SOAT1: variants seen among roughly 807,000 people sequenced by gnomAD.
The protein encoded by SOAT1 is sterol O-acyltransferase 1.
SOAT1 carries 55 observed loss-of-function variants against 69.5 expected under a neutral mutation model. The observed-to-expected ratio is 0.79, with a 90% confidence interval of 0.64 to 0.99. The LOEUF (loss-of-function observed/expected upper bound fraction) is 0.99, where lower values mean the gene tolerates loss of function less well. SOAT1 is among the 50% of genes least tolerant of loss of function. The pLI is 0.00. For synonymous variants in SOAT1, 231 were observed against 224.7 expected, an observed-to-expected ratio of 1.03 and a Z score of -0.25; for missense variants, 580 against 669.3, an observed-to-expected ratio of 0.87 and a Z score of 1.47.
chr1:179,337,619 CAGAG>C (rs1006237279), intron 4 of SOAT1, among the ~76,000 whole-genome samples: 3 of 152,086 alleles, frequency 2.0e-5, no homozygotes, highest in Admixed American at 6.5e-5. Context: ...ACCTGCCTCA[CAGAG>C]AGGGTAAATG....
intron 4 of SOAT1, 94 bp downstream of exon 4, chr1:179,335,751 C>T (rs1416808754): frequency 8.3e-7 from 1 of 1,206,726 alleles, no homozygotes; most frequent in East Asian, 2.4e-5. Flanking sequence ...AGTTCACACC[C>T]TGGTGTCACT....
chr1:179,308,389 T>G (rs72715525), intron 2 of SOAT1, among the ~76,000 whole-genome samples: 12,448 of 151,952 alleles, frequency 0.082, 671 homozygotes, highest in Middle Eastern at 0.15. Flanking sequence ...AGTTCCCAGA[T>G]GGCCGGGCAC....
chr1:179,328,168 A>G (rs1173481618), intron 3 of SOAT1, among the ~76,000 whole-genome samples: 2 of 152,166 alleles, frequency 1.3e-5, no homozygotes, highest in Non-Finnish European at 2.9e-5. Context: ...TCCTCAGCTC[A>G]AGTAATAATC....
At chr1:179,331,907 CA>C (rs1212114895) in intron 3 of SOAT1, among the ~76,000 whole-genome samples, 1 of 152,060 alleles carries the variant, frequency 6.6e-6, no homozygotes, top group East Asian at 1.9e-4. Flanking sequence ...GGCAGCAAAT[CA>C]GAGGAAGAAA....
chr1:179,323,411 A>G, intron 2 of SOAT1, 26 bp from the exon 3 acceptor site: 1 of 1,608,130 alleles, frequency 6.2e-7, no homozygotes, highest in Non-Finnish European at 8.5e-7. Flanking sequence ...CATCAACTTA[A>G]AAGTCATGTT....
At chr1:179,308,236 T>C (rs981306440) in intron 2 of SOAT1, among the ~76,000 whole-genome samples, 9 of 152,196 alleles carry the variant, frequency 5.9e-5, no homozygotes, top group Admixed American at 3.3e-4. Context: ...TATCTCTTGA[T>C]TTAAAACAAG....
chr1:179,302,883 C>T, intron 2 of SOAT1, 81 bp downstream of exon 2: 1 of 689,678 alleles, frequency 1.4e-6, no homozygotes, highest in East Asian at 2.8e-5. Flanking sequence ...ATTGCCATCT[C>T]TTTAATTCTT....
intron 2 of SOAT1, among the ~76,000 whole-genome samples, chr1:179,311,673 C>T (rs373362629): frequency 1.3e-5 from 2 of 152,000 alleles, no homozygotes; most frequent in Non-Finnish European, 2.9e-5. Context: ...TTATTCTCAA[C>T]CTAAGTAATA....
Position 179,358,633 on chromosome 1 carries a change from G to T in SOAT1, c.*4992G>T. 1 of 152,290 alleles carries T rather than the reference G, an allele frequency of 6.6e-6. No individual in the cohort carries two copies. Among genetic ancestry groups the T allele is most frequent in the Non-Finnish European group, 1.5e-5 (1 of 68,038 alleles). 9.4% of individuals were successfully genotyped at this position (152,290 alleles called of 1,614,324 possible). A position where few individuals can be genotyped will look rare whatever the true frequency, so the allele number is the denominator to read the frequency against. The stretch of plus-strand genomic sequence containing the variant: ...ATCCATAGTGTTCTGAGCACCAGAA[G>T]GGTCATGTAAATCTGAAGTTGTTAT... On this transcript the variant is annotated 3_prime_UTR_variant, in exon 16 of 16. Transcript: ENST00000367619.
intron 2 of SOAT1, among the ~76,000 whole-genome samples, chr1:179,321,286 T>C (rs1665591422): frequency 6.6e-6 from 1 of 152,162 alleles, no homozygotes; most frequent in Non-Finnish European, 1.5e-5. Flanking sequence ...TTTTTATTCT[T>C]GGCACGTTGG....
At chr1:179,334,248 A>G (rs1260005965) in intron 3 of SOAT1, among the ~76,000 whole-genome samples, 2 of 152,194 alleles carry the variant, frequency 1.3e-5, no homozygotes, top group Non-Finnish European at 1.5e-5. Context: ...GGTTTCGCAT[A>G]TGTAAAATTA....
intron 2 of SOAT1, among the ~76,000 whole-genome samples, chr1:179,320,315 C>T (rs1284813459): frequency 3.3e-5 from 5 of 152,000 alleles, no homozygotes; most frequent in African/African-American, 1.2e-4. Context: ...TTCTTGGCAC[C>T]CTTTTCGAAA....
In SOAT1 at chr1:179,342,249, C is replaced by A; in HGVS notation, c.859+57C>A. 8 of 1,165,388 alleles carry A rather than the reference C, an allele frequency of 6.9e-6. No individual in the cohort carries two copies. The South Asian group carries it at 1.1e-4, about 16-fold the overall frequency. The allele number at this position is 1,165,388 out of a possible 1,614,324, so 72.2% of individuals were successfully genotyped here. On this transcript the variant is annotated intron_variant, in intron 8 of 15. Coordinates refer to ENST00000367619, the MANE Select transcript of SOAT1 (RefSeq NM_003101.6). ...CTCCCCTCCCCTCCTCTCCCCCCACCCCATTCCCTTCCCTTCCCTTCCCTT... is the reference window on the plus strand; with the variant it reads ...CTCCCCTCCCCTCCTCTCCCCCCACACCATTCCCTTCCCTTCCCTTCCCTT...
chr1:179,341,806 T>A (rs1666349612), intron 7 of SOAT1, among the ~76,000 whole-genome samples: 1 of 152,224 alleles, frequency 6.6e-6, no homozygotes, highest in Non-Finnish European at 1.5e-5. Context: ...GTGCTGAGAT[T>A]ACAGGCGTAA....
chr1:179,341,763 G>A (rs1666347001), intron 7 of SOAT1, among the ~76,000 whole-genome samples: 1 of 152,134 alleles, frequency 6.6e-6, no homozygotes, highest in African/African-American at 2.4e-5. Context: ...TCAAACTCCT[G>A]ACCTTACGAT....
chr1:179,298,546 A>C (rs997752698), intron 1 of SOAT1, among the ~76,000 whole-genome samples: 1 of 150,606 alleles, frequency 6.6e-6, no homozygotes, highest in East Asian at 2.0e-4. Context: ...TGCTCACTGC[A>C]ACCTTCGCCT....
At chr1:179,300,600 C>G (rs1664801930) in intron 1 of SOAT1, among the ~76,000 whole-genome samples, 1 of 152,114 alleles carries the variant, frequency 6.6e-6, no homozygotes, top group Admixed American at 6.6e-5. Context: ...TGAAAAACAA[C>G]CAAACCCACC....
intron 3 of SOAT1, among the ~76,000 whole-genome samples, chr1:179,331,639 G>A (rs1304198311): frequency 1.3e-5 from 2 of 152,164 alleles, no homozygotes; most frequent in Non-Finnish European, 2.9e-5. Context: ...GTGGGGGGCA[G>A]ACAGTGAGAT....
chr1:179,325,083 G>A (rs1235783292), intron 3 of SOAT1, among the ~76,000 whole-genome samples: 1 of 150,878 alleles, frequency 6.6e-6, no homozygotes, highest in African/African-American at 2.4e-5. Context: ...TTACAGGCTG[G>A]GATTACCACA....
Sources: allele counts gnomAD v4.1 joint callset (sites outside exome capture counted in the v4.1 genomes callset), GRCh38; gene constraint gnomAD v4.1.1; transcripts MANE v1.5; gene names NCBI Gene and HGNC (gene_info 2026-07-23, HGNC 2026-07-21).